GRTP1: variants seen among roughly 807,000 people sequenced by gnomAD.
The protein encoded by GRTP1 is growth hormone regulated TBC protein 1, also known as growth hormone-regulated TBC protein 1.
A neutral mutation model predicts 38.1 loss-of-function variants in GRTP1; 56 were observed. That is an observed-to-expected ratio of 1.47 (90% CI 1.19 to 1.84). The LOEUF is 1.84. GRTP1 is among the 40% of genes most tolerant of loss of function. GRTP1 has a pLI of 0.00. For synonymous variants in GRTP1, 217 were observed against 189.5 expected, an observed-to-expected ratio of 1.14 and a Z score of -1.19; for missense variants, 506 against 453.9, an observed-to-expected ratio of 1.11 and a Z score of -1.04.
chr13:113,363,203 A>C (rs995538268), intron 2 of GRTP1, among the ~76,000 whole-genome samples: 4 of 152,110 alleles, frequency 2.6e-5, no homozygotes, highest in Non-Finnish European at 5.9e-5. Context: ...CAGGTCGAGC[A>C]GGGCCCTGTG....
rs548287558 is a variant in GRTP1 at position 113,343,015 on chromosome 13, C to T, written c.562+1848G>A. Reference sequence around the variant, plus strand: ...CCTGCTGCTGCTTGAGGTCTGCCCTCCACAAAGACAGGAACTCGTGTGTGC... The same window carrying T: ...CCTGCTGCTGCTTGAGGTCTGCCCTTCACAAAGACAGGAACTCGTGTGTGC... On this transcript the variant is annotated intron_variant, in intron 5 of 7. Transcript: ENST00000375431. This position sits in a 1 kb window ranked among gnomAD's most constrained non-coding sequence, Gnocchi z 4.8. Among the ~76,000 whole-genome samples, 3 of 152,132 alleles carry T rather than the reference C, an allele frequency of 2.0e-5. No homozygotes were observed. The highest frequency in any genetic ancestry group is 4.4e-5 in the Non-Finnish European group (3 of 67,994).
intron 7 of GRTP1, 90 bp from the exon 8 acceptor site, chr13:113,324,667 G>C: frequency 6.6e-7 from 1 of 1,510,990 alleles, no homozygotes; most frequent in Admixed American, 2.1e-5. Flanking sequence ...GACAGGCCTC[G>C]TGTGAGGTGA....
Position 113,363,767 on chromosome 13 carries a change from C to G in GRTP1, c.176G>C (p.Arg59Pro). 1 of 1,608,630 alleles carries G rather than the reference C, an allele frequency of 6.2e-7. No individual in the cohort carries two copies. The highest frequency in any genetic ancestry group is 8.5e-7 in the Non-Finnish European group (1 of 1,178,350). Residue 59 changes from arginine (R) to proline (P), a missense_variant, in exon 2 of 8, where the codon CGG becomes CCG. Coordinates refer to ENST00000375431, the MANE Select transcript of GRTP1 (RefSeq NM_024719.4). ...LLQGGGVPRSRTVKRYVRKGV... is the reference protein window; with the variant it reads ...LLQGGGVPRSPTVKRYVRKGV... The stretch of plus-strand genomic sequence containing the variant: ...CCTGCGCCCCCGGGACCCACCTGTC[C>G]GGCTCCTGGGGACGCCCCCGCCCTG...
chr13:113,347,268 G>A (rs74183866), intron 4 of GRTP1, among the ~76,000 whole-genome samples: 13 of 56,650 alleles, frequency 2.3e-4, no homozygotes, highest in East Asian at 5.3e-4. Context: ...GTGGCTGAGA[G>A]CAGACCCGGG....
chr13:113,360,096 G>A (rs913638167), intron 2 of GRTP1: 1 of 152,164 alleles, frequency 6.6e-6, no homozygotes, highest in African/African-American at 2.4e-5. Context: ...AACTTAGGTG[G>A]TGTTAATATT....
At chr13:113,328,541 A>T (rs920218192) in intron 5 of GRTP1, among the ~76,000 whole-genome samples, 1 of 151,586 alleles carries the variant, frequency 6.6e-6, no homozygotes, top group East Asian at 2.0e-4. Flanking sequence ...ATTTTTTGAG[A>T]CAGGGTCTCA....
chr13:113,347,231 G>C (rs112513900), intron 4 of GRTP1, among the ~76,000 whole-genome samples: 3 of 79,374 alleles, frequency 3.8e-5, no homozygotes, highest in African/African-American at 6.6e-5. Context: ...GACCTCTGTG[G>C]CTGAGAGCGG....
At chr13:113,333,874 T>TGTGTGTGTGTGTGTGTGTGC (rs33972835) in intron 5 of GRTP1, among the ~76,000 whole-genome samples, 4 of 135,344 alleles carry the variant, frequency 3.0e-5, no homozygotes, top group South Asian at 2.4e-4. Context: ...TGTGTGTGTG[T>TGTGTGTGTGTGTGTGTGTGC]CCGAGGCTGG....
intron 5 of GRTP1, among the ~76,000 whole-genome samples, chr13:113,340,760 A>G (rs1284706524): frequency 6.6e-6 from 1 of 152,152 alleles, no homozygotes; most frequent in Admixed American, 6.5e-5. Context: ...AGCCTGGGCG[A>G]CAGAGTGAGA....
At chr13:113,362,559 C>A (rs1055550931) in intron 2 of GRTP1, among the ~76,000 whole-genome samples, 3 of 152,116 alleles carry the variant, frequency 2.0e-5, no homozygotes, top group Admixed American at 6.5e-5. Context: ...TGGCTGGAGC[C>A]CAGGAGGTCA....
In GRTP1 at chr13:113,355,041, G is replaced by A. The variant is rs1445832646; in HGVS notation, c.340+282C>T. ...GCGAAGCGCACCGGCAACAGAGGCC[G>A]CCTCTCCCTGTCCCGCGAGTCTTCA... On this transcript the variant is annotated intron_variant, in intron 3 of 7. Transcript: ENST00000375431. 4 of 323,940 alleles carry A rather than the reference G, an allele frequency of 1.2e-5. No individual in the cohort carries two copies. In the East Asian group the frequency reaches 2.3e-4, roughly 18 times the overall value. The allele number at this position is 323,940 out of a possible 1,614,324, so 20.1% of individuals were successfully genotyped here.
chr13:113,336,875 G>C (rs2042962548), intron 5 of GRTP1, among the ~76,000 whole-genome samples: 1 of 152,232 alleles, frequency 6.6e-6, no homozygotes, highest in African/African-American at 2.4e-5. Flanking sequence ...CACTTCCCAA[G>C]TGCCCTGTAC....
intron 4 of GRTP1, among the ~76,000 whole-genome samples, chr13:113,347,412 G>GAGA (rs2043169816): frequency 1.0e-5 from 1 of 95,422 alleles, no homozygotes; most frequent in Non-Finnish European, 2.1e-5. Context: ...CTCTGTGGCT[G>GAGA]ACAGTGGACC....
chr13:113,330,076 G>GGTGT (rs2042836291), intron 5 of GRTP1, among the ~76,000 whole-genome samples: 3 of 151,612 alleles, frequency 2.0e-5, no homozygotes, highest in East Asian at 3.9e-4. Flanking sequence ...TGGAAACCCG[G>GGTGT]GTGCGTGCAT....
At chr13:113,333,752 A>G (rs904072779) in intron 5 of GRTP1, among the ~76,000 whole-genome samples, 1 of 151,734 alleles carries the variant, frequency 6.6e-6, no homozygotes, top group Non-Finnish European at 1.5e-5. Context: ...AGGACTCCCA[A>G]AATGCTGGGA....
At position 113,347,180 on chromosome 13, in the gene GRTP1, A is replaced by G. The variant is rs1421109115; in HGVS notation, c.466-2221T>C. 2.2e-4 allele frequency among the ~76,000 whole-genome samples: 17 copies of G among 77,328 alleles called. 1 individual carries two copies. Among genetic ancestry groups the G allele is most frequent in the East Asian group, 1.3e-3 (4 of 3,002 alleles). The allele number at this position is 77,328 out of a possible 152,430, so 50.7% of individuals were successfully genotyped here. On this transcript the variant is annotated intron_variant, in intron 4 of 7. Coordinates refer to ENST00000375431, the MANE Select transcript of GRTP1 (RefSeq NM_024719.4). ...CGGGAGGACCTCTGTGGCAGAGAGC[A>G]GACCCAGGAGGACCTCTGTGGCCGA...
At chr13:113,326,647 G>T (rs997925557) in intron 5 of GRTP1, among the ~76,000 whole-genome samples, 5 of 151,798 alleles carry the variant, frequency 3.3e-5, no homozygotes, top group African/African-American at 1.2e-4. Context: ...CTCCAGTCTG[G>T]GCCACAGAGC....
intron 5 of GRTP1, among the ~76,000 whole-genome samples, chr13:113,327,162 G>C (rs960512134): frequency 6.6e-5 from 10 of 152,192 alleles, no homozygotes; most frequent in African/African-American, 2.4e-4. Flanking sequence ...TTTTTAACTT[G>C]TTCATGTAAT....
chr13:113,344,274 C>T (rs771066594), intron 5 of GRTP1, among the ~76,000 whole-genome samples: 1 of 152,202 alleles, frequency 6.6e-6, no homozygotes, highest in African/African-American at 2.4e-5. Context: ...GGTGAGCCAA[C>T]CACACAGCCC....
Sources: gnomAD v4.1 joint callset for allele counts (sites outside exome capture counted in the v4.1 genomes callset) on GRCh38, gnomAD v4.1.1 for gene constraint, Gnocchi (gnomAD v3.1) non-coding constraint, MANE v1.5 for transcripts, NCBI Gene and HGNC (gene_info 2026-07-23, HGNC 2026-07-21) for gene names.